STK39: variants seen among roughly 807,000 people sequenced by gnomAD.
The protein encoded by STK39 is serine/threonine kinase 39.
STK39 carries 20 observed loss-of-function variants against 77.8 expected under a neutral mutation model. The observed-to-expected ratio is 0.26, with a 90% CI of 0.18 to 0.37. STK39 has a LOEUF of 0.37. Ranked by LOEUF, STK39 falls within the 10% of genes least tolerant of loss-of-function variation. The pLI is 1.00. For missense variants in STK39, 479 were observed against 656.5 expected, an observed-to-expected ratio of 0.73 and a Z score of 2.95; for synonymous variants, 246 against 234.1, an observed-to-expected ratio of 1.05 and a Z score of -0.47.
At chr2:168,145,497 G>T (rs1012834603) in intron 5 of STK39, among the ~76,000 whole-genome samples, 2 of 151,986 alleles carry the variant, frequency 1.3e-5, no homozygotes, top group African/African-American at 2.4e-5. Flanking sequence ...AGGATTGCTG[G>T]ATATCCCAGT....
intron 10 of STK39, among the ~76,000 whole-genome samples, chr2:168,106,890 A>G (rs138518689): frequency 5.9e-5 from 9 of 152,240 alleles, no homozygotes; most frequent in African/African-American, 1.9e-4. Context: ...TTATGTGTAT[A>G]TATAGTATGT....
At chr2:168,182,181 A>G in intron 1 of STK39, 91 bp from the exon 2 acceptor site, 1 of 946,694 alleles carries the variant, frequency 1.1e-6, no homozygotes, top group South Asian at 1.4e-5. Flanking sequence ...ATTTTTTTAA[A>G]CTCTTCTACT....
rs183564284 is a variant in STK39 at position 168,208,036 on chromosome 2, G to C, written c.209-25946C>G. ...ACTGGCTCATTATTTGACTCAGCAG[G>C]CTCCTTCTCCGGAGATGTTCTGGGG... On this transcript the variant is annotated intron_variant, in intron 1 of 17. Coordinates refer to ENST00000355999, the MANE Select transcript of STK39 (RefSeq NM_013233.3). Among the ~76,000 whole-genome samples the C allele has an allele frequency of 3.0e-3, 464 of 152,270 alleles. 2 individuals are homozygous for C. Among genetic ancestry groups the C allele is most frequent in the Non-Finnish European group, 2.7e-3 (186 of 68,004 alleles).
At chr2:168,213,830 T>G (rs1689956081) in intron 1 of STK39, among the ~76,000 whole-genome samples, 1 of 152,244 alleles carries the variant, frequency 6.6e-6, no homozygotes, top group Admixed American at 6.5e-5. Flanking sequence ...TGAATATATA[T>G]GACTTTAGAA....
intron 16 of STK39, among the ~76,000 whole-genome samples, chr2:167,968,479 C>A (rs1043447367): frequency 6.6e-6 from 1 of 152,186 alleles, no homozygotes; most frequent in South Asian, 2.1e-4. Context: ...TTCACAACAA[C>A]CCCATGTTCT....
chr2:168,239,058 C>A (rs1690691453), intron 1 of STK39, among the ~76,000 whole-genome samples: 1 of 152,130 alleles, frequency 6.6e-6, no homozygotes, highest in Non-Finnish European at 1.5e-5. Flanking sequence ...GCCATCCTAT[C>A]ATGTCAGTCC....
At chr2:168,141,337 T>G (rs189318878) in intron 5 of STK39, among the ~76,000 whole-genome samples, 61 of 152,328 alleles carry the variant, frequency 4.0e-4, no homozygotes, top group African/African-American at 1.3e-3. Context: ...ACTAGTTAAG[T>G]ACCCCTCATT....
intron 14 of STK39, among the ~76,000 whole-genome samples, chr2:168,040,300 CA>C (rs970302457): frequency 6.6e-6 from 1 of 151,744 alleles, no homozygotes; most frequent in Non-Finnish European, 1.5e-5. Context: ...ACAAGGATGC[CA>C]AAAAAATTAC....
intron 1 of STK39, among the ~76,000 whole-genome samples, chr2:168,243,108 C>T (rs1225822317): frequency 2.6e-5 from 4 of 152,144 alleles, no homozygotes; most frequent in African/African-American, 9.7e-5. Context: ...TCTGGGAGAT[C>T]AGAACACACT....
At chr2:168,085,395 T>G in intron 10 of STK39, among the ~76,000 whole-genome samples, 1 of 152,234 alleles carries the variant, frequency 6.6e-6, no homozygotes, top group East Asian at 1.9e-4. Flanking sequence ...TTCCCCCTTT[T>G]GGGCAAATCT....
intron 14 of STK39, among the ~76,000 whole-genome samples, chr2:168,053,697 A>T (rs1053853118): frequency 6.6e-6 from 1 of 152,152 alleles, no homozygotes; most frequent in South Asian, 2.1e-4. Context: ...CCTTATACCA[A>T]TTTTTTCTGA....
chr2:168,098,783 T>C (rs1477554857), intron 10 of STK39, among the ~76,000 whole-genome samples: 1 of 152,132 alleles, frequency 6.6e-6, no homozygotes, highest in East Asian at 1.9e-4. Flanking sequence ...AAAAATCCCA[T>C]CTCACACACT....
rs193245696 is a variant in STK39 at position 168,224,831 on chromosome 2, T to C, written c.208+22397A>G. 1.7e-3 allele frequency among the ~76,000 whole-genome samples: 254 copies of C among 152,346 alleles called. 2 individuals are homozygous for C. The highest frequency in any genetic ancestry group is 5.5e-3 in the African/African-American group (229 of 41,584). ...TCTGAGTACGTTGTTCATTTGTCTT[T>C]TACCCAGCAACAATTCCTGCAAAAT... On this transcript the variant is annotated intron_variant, in intron 1 of 17. Transcript: ENST00000355999.
At chr2:168,060,785 G>A (rs1685644511) in intron 14 of STK39, among the ~76,000 whole-genome samples, 1 of 152,168 alleles carries the variant, frequency 6.6e-6, no homozygotes, top group African/African-American at 2.4e-5. Context: ...TACATTAAAA[G>A]GCATTGAATT....
chr2:168,207,229 T>G (rs1206719990), intron 1 of STK39, among the ~76,000 whole-genome samples: 1 of 152,278 alleles, frequency 6.6e-6, no homozygotes, highest in Non-Finnish European at 1.5e-5. Flanking sequence ...ATTTTTATTA[T>G]TTCTTTAATT....
chr2:167,965,228 T>C (rs1006904778), intron 16 of STK39, among the ~76,000 whole-genome samples: 3 of 152,222 alleles, frequency 2.0e-5, no homozygotes, highest in Non-Finnish European at 2.9e-5. Flanking sequence ...CCCATTTTTA[T>C]CAAGGCAACA....
intron 10 of STK39, among the ~76,000 whole-genome samples, chr2:168,093,558 T>C (rs1686583066): frequency 6.6e-6 from 1 of 152,186 alleles, no homozygotes; most frequent in Admixed American, 6.5e-5. Context: ...CAATTCAAGA[T>C]GAGATTTGGG....
intron 2 of STK39, among the ~76,000 whole-genome samples, chr2:168,180,951 T>C (rs1053164352): frequency 6.6e-6 from 1 of 152,212 alleles, no homozygotes; most frequent in Non-Finnish European, 1.5e-5. Context: ...TACAGCTTTA[T>C]CCTTGTACTT....
In STK39 at chr2:167,954,270, G is replaced by C. The variant is rs1387276389; in HGVS notation, c.*1226C>G. ...GGAAAGAGCAATGGTACCATCCTGG[G>C]AGCCCACCTCCTTGAAAGATTAGAC... On this transcript the variant is annotated 3_prime_UTR_variant, in exon 18 of 18. Coordinates refer to ENST00000355999, the MANE Select transcript of STK39 (RefSeq NM_013233.3). 10 of 152,492 alleles carry C rather than the reference G, an allele frequency of 6.6e-5. No individual in the cohort carries two copies. The highest frequency in any genetic ancestry group is 5.9e-4 in the Admixed American group (9 of 15,258). The allele number at this position is 152,492 out of a possible 1,614,324, so 9.4% of individuals were successfully genotyped here.
Sources: gnomAD v4.1 joint callset for allele counts (sites outside exome capture counted in the v4.1 genomes callset) on GRCh38, gnomAD v4.1.1 for gene constraint, MANE v1.5 for transcripts, NCBI Gene and HGNC (gene_info 2026-07-23, HGNC 2026-07-21) for gene names.